PRKAR2B: variants seen among roughly 807,000 people sequenced by gnomAD.
PRKAR2B encodes the protein protein kinase cAMP-dependent type II regulatory subunit beta, also known as cAMP-dependent protein kinase type II-beta regulatory subunit.
A neutral mutation model predicts 49.9 loss-of-function variants in PRKAR2B; 14 were observed. The ratio of observed to expected loss-of-function variants is 0.28; its 90% CI spans 0.19 to 0.44. The LOEUF (loss-of-function observed/expected upper bound fraction) is 0.44, where lower values mean the gene tolerates loss of function less well. Among genes scored for constraint, PRKAR2B ranks in the 20% least tolerant of loss-of-function variants. The pLI, the probability that PRKAR2B is intolerant of heterozygous loss-of-function variation, is 1.00. For synonymous variants in PRKAR2B, 196 were observed against 197.7 expected (o/e 0.99, Z 0.07); for missense variants, 393 against 537.9 (o/e 0.73, Z 2.67).
intron 1 of PRKAR2B, among the ~76,000 whole-genome samples, chr7:107,050,489 C>T (rs879565094): frequency 9.2e-5 from 14 of 151,954 alleles, no homozygotes; most frequent in Non-Finnish European, 1.6e-4. Flanking sequence ...ATTTTGTTAA[C>T]AGCTATGTTG....
chr7:107,134,097 T>C (rs1323755292), intron 4 of PRKAR2B, among the ~76,000 whole-genome samples: 1 of 152,094 alleles, frequency 6.6e-6, no homozygotes, highest in African/African-American at 2.4e-5. Context: ...GGCACGATCA[T>C]GGCTCACTGC....
intron 2 of PRKAR2B, among the ~76,000 whole-genome samples, chr7:107,109,340 G>A (rs1023036743): frequency 6.6e-6 from 1 of 151,932 alleles, no homozygotes; most frequent in African/African-American, 2.4e-5. Context: ...GCTCACTGCA[G>A]CCTTGACCTC....
At chr7:107,067,255 A>G (rs1794169976) in intron 1 of PRKAR2B, 1 of 152,218 alleles carries the variant, frequency 6.6e-6, no homozygotes, top group Non-Finnish European at 1.5e-5. Context: ...ATTAGACTAA[A>G]AAGCTTAGAA....
chr7:107,094,999 G>A (rs926863568), intron 2 of PRKAR2B, among the ~76,000 whole-genome samples: 50 of 152,094 alleles, frequency 3.3e-4, no homozygotes, highest in African/African-American at 1.2e-3. Flanking sequence ...GCTCTTTTTT[G>A]GCTCCACATG....
chr7:107,114,436 A>G (rs933250347), intron 2 of PRKAR2B, among the ~76,000 whole-genome samples: 4 of 149,324 alleles, frequency 2.7e-5, no homozygotes, highest in African/African-American at 9.9e-5. Context: ...ATCTCGGCTC[A>G]CTGCAACCTC....
chr7:107,107,878 C>T (rs1347680208), intron 2 of PRKAR2B, among the ~76,000 whole-genome samples: 1 of 152,018 alleles, frequency 6.6e-6, no homozygotes, highest in Non-Finnish European at 1.5e-5. Context: ...GGATGGTCTC[C>T]ATCTCTTGAC....
intron 3 of PRKAR2B, among the ~76,000 whole-genome samples, chr7:107,126,087 T>TAA (rs34333619): frequency 0.012 from 957 of 82,204 alleles, 21 homozygotes; most frequent in Non-Finnish European, 0.014. Context: ...GACTGTGTCT[T>TAA]AAAAAAAAAA....
intron 2 of PRKAR2B, among the ~76,000 whole-genome samples, chr7:107,090,370 G>C (rs1447837463): frequency 6.6e-6 from 1 of 152,106 alleles, no homozygotes; most frequent in Admixed American, 6.5e-5. Context: ...TCTCATTCAA[G>C]GCTTCCCCAA....
chr7:107,126,289 C>G (rs559204165), intron 3 of PRKAR2B, among the ~76,000 whole-genome samples: 1 of 145,792 alleles, frequency 6.9e-6, no homozygotes, highest in Non-Finnish European at 1.5e-5. Context: ...GGCGTGGTGG[C>G]AGGCACCTGT....
chr7:107,067,712 G>T (rs1290685613), intron 1 of PRKAR2B, among the ~76,000 whole-genome samples: 1 of 152,146 alleles, frequency 6.6e-6, no homozygotes, highest in East Asian at 1.9e-4. Context: ...AAAAAGCATT[G>T]TACTAGGAAT....
chr7:107,082,861 A>G (rs1776266179), intron 2 of PRKAR2B, among the ~76,000 whole-genome samples: 1 of 152,088 alleles, frequency 6.6e-6, no homozygotes, highest in Non-Finnish European at 1.5e-5. Flanking sequence ...TGGTCTCCCA[A>G]AGTGTTGGGA....
intron 2 of PRKAR2B, among the ~76,000 whole-genome samples, chr7:107,079,856 A>G (rs1166916009): frequency 6.6e-6 from 1 of 152,228 alleles, no homozygotes; most frequent in East Asian, 1.9e-4. Flanking sequence ...AATGTGAAGT[A>G]AAGAAATGAG....
chr7:107,118,918 C>T (rs1391631535), intron 2 of PRKAR2B, among the ~76,000 whole-genome samples: 1 of 152,112 alleles, frequency 6.6e-6, no homozygotes, highest in Admixed American at 6.5e-5. Flanking sequence ...TGTAGTGAAA[C>T]AATTGCAACA....
Position 107,128,969 on chromosome 7 carries a change from A to C in PRKAR2B, c.480+674A>C, listed in dbSNP as rs1035201971. Reference sequence around the variant, plus strand: ...TATGCTTAGTCATTGCTGTATAGTTATTTAGGAGTGAACCTCTGCTGCCAT... The same window carrying C: ...TATGCTTAGTCATTGCTGTATAGTTCTTTAGGAGTGAACCTCTGCTGCCAT... On this transcript the variant is annotated intron_variant, in intron 4 of 10. Coordinates refer to ENST00000265717, the MANE Select transcript of PRKAR2B (RefSeq NM_002736.3). The C allele has an allele frequency of 2.6e-5, 4 of 152,146 alleles. No individual in the cohort carries two copies. In the East Asian group the frequency reaches 7.8e-4, roughly 29 times the overall value. 9.4% of individuals were successfully genotyped at this position (152,146 alleles called of 1,614,324 possible).
At chr7:107,067,998 G>C (rs1002149700) in intron 1 of PRKAR2B, among the ~76,000 whole-genome samples, 1 of 152,164 alleles carries the variant, frequency 6.6e-6, no homozygotes, top group African/African-American at 2.4e-5. Context: ...AAAAGTTGAA[G>C]GTTGCAGGAC....
At chr7:107,146,584 C>T in intron 6 of PRKAR2B, 123 bp downstream of exon 6, 2 of 1,127,786 alleles carry the variant, frequency 1.8e-6, no homozygotes, top group East Asian at 2.6e-5. Context: ...ATTTATTAAG[C>T]AGCCACTGAA....
intron 2 of PRKAR2B, among the ~76,000 whole-genome samples, chr7:107,101,422 T>C (rs1004883097): frequency 6.6e-6 from 1 of 152,184 alleles, no homozygotes; most frequent in Non-Finnish European, 1.5e-5. Flanking sequence ...CTCCTCTAAG[T>C]GCGCTGTAGC....
Position 107,146,662 on chromosome 7 carries a change from T to A in PRKAR2B, c.741+201T>A, listed in dbSNP as rs1795900306. On this transcript the variant is annotated intron_variant, in intron 6 of 10. Coordinates refer to ENST00000265717, the MANE Select transcript of PRKAR2B (RefSeq NM_002736.3). ...GATGTCATTGCCCCCACTCCTCCAG[T>A]CCAGTCAGGAGCTTGGGACCTGGTG... Among the ~76,000 whole-genome samples, 3 of 152,196 alleles carry A rather than the reference T, an allele frequency of 2.0e-5. No individual in the cohort carries two copies. In the South Asian group the frequency reaches 6.2e-4, roughly 32 times the overall value.
In PRKAR2B at chr7:107,157,251, T is replaced by C; in HGVS notation, c.1050T>C (p.Phe350=). 1 of 1,614,234 alleles carries C rather than the reference T, an allele frequency of 6.2e-7. No individual in the cohort carries two copies. The highest frequency in any genetic ancestry group is 8.5e-7 in the Non-Finnish European group (1 of 1,180,040). The change falls in exon 10 of 11, where the codon TTT becomes TTC. Residue 350 remains phenylalanine, a synonymous_variant. Coordinates refer to ENST00000265717, the MANE Select transcript of PRKAR2B (RefSeq NM_002736.3). The part of the protein sequence containing the change: ...EIARCSRGQY[F]GELALVTNKP... Reference sequence around the variant, plus strand: ...CTCGATGCTCGCGGGGACAGTACTTTGGAGAGCTTGCCCTGGTAACTAACA... The same window carrying C: ...CTCGATGCTCGCGGGGACAGTACTTCGGAGAGCTTGCCCTGGTAACTAACA...
Sources: allele counts gnomAD v4.1 joint callset (sites outside exome capture counted in the v4.1 genomes callset), GRCh38; gene constraint gnomAD v4.1.1; transcripts MANE v1.5; gene names NCBI Gene and HGNC (gene_info 2026-07-23, HGNC 2026-07-21).